The following VIT variants were observed in gnomAD, a reference collection of about 807,000 sequenced individuals.
VIT encodes the protein vitrin.
In VIT, 99 loss-of-function variants were observed where a neutral mutation model predicts 78.0. The ratio of observed to expected loss-of-function variants is 1.27; its 90% CI spans 1.08 to 1.50. The LOEUF (loss-of-function observed/expected upper bound fraction) is 1.50, where lower values mean the gene tolerates loss of function less well. VIT is among the 40% of genes most tolerant of loss of function. VIT has a pLI of 0.00. For synonymous variants in VIT, 374 were observed against 334.3 expected, an observed-to-expected ratio of 1.12 and a Z score of -1.29; for missense variants, 1,126 against 875.3, an observed-to-expected ratio of 1.29 and a Z score of -3.61.
At chr2:36,719,491 T>C (rs1387120967) in intron 2 of VIT, among the ~76,000 whole-genome samples, 5 of 152,100 alleles carry the variant, frequency 3.3e-5, no homozygotes, top group Admixed American at 2.0e-4. Flanking sequence ...AGTTATAGAA[T>C]ACAAAATCAA....
At chr2:36,733,170 G>A (rs1296873995) in intron 3 of VIT, among the ~76,000 whole-genome samples, 1 of 152,170 alleles carries the variant, frequency 6.6e-6, no homozygotes. Flanking sequence ...TAAGCAAAAA[G>A]GGGGATTTGG....
chr2:36,752,368 C>T (rs1457703161), intron 4 of VIT, among the ~76,000 whole-genome samples: 1 of 152,116 alleles, frequency 6.6e-6, no homozygotes, highest in Non-Finnish European at 1.5e-5. Flanking sequence ...CTGGCCCTAG[C>T]AGTGAACTAT....
intron 7 of VIT, among the ~76,000 whole-genome samples, chr2:36,771,881 T>C (rs1332310377): frequency 2.6e-5 from 4 of 152,206 alleles, no homozygotes; most frequent in African/African-American, 9.6e-5. Flanking sequence ...GGGCAGATCA[T>C]TCAGTCAAAG....
At chr2:36,712,029 G>A (rs545707859) in intron 1 of VIT, among the ~76,000 whole-genome samples, 3 of 152,302 alleles carry the variant, frequency 2.0e-5, no homozygotes, top group East Asian at 1.9e-4. Flanking sequence ...TGAGGAATTA[G>A]GGCTCCAGCG....
chr2:36,704,174 C>G (rs1350981328), intron 1 of VIT, among the ~76,000 whole-genome samples: 2 of 151,976 alleles, frequency 1.3e-5, no homozygotes, highest in Non-Finnish European at 2.9e-5. Flanking sequence ...GATCCACCCA[C>G]CTCGGCCTCC....
intron 2 of VIT, among the ~76,000 whole-genome samples, chr2:36,720,937 G>A (rs1369978121): frequency 6.6e-6 from 1 of 152,052 alleles, no homozygotes; most frequent in African/African-American, 2.4e-5. Flanking sequence ...TGGAACCCAG[G>A]AGGCAGAGCT....
intron 15 of VIT, among the ~76,000 whole-genome samples, chr2:36,812,127 G>T (rs1341452035): frequency 6.6e-6 from 1 of 152,200 alleles, no homozygotes; most frequent in East Asian, 1.9e-4. Context: ...CCCAAAGCTG[G>T]CTCCTTCCAA....
At chr2:36,763,744 C>T (rs1166451986) in intron 6 of VIT, among the ~76,000 whole-genome samples, 1 of 152,006 alleles carries the variant, frequency 6.6e-6, no homozygotes, top group Non-Finnish European at 1.5e-5. Flanking sequence ...GATGTGCCAC[C>T]ACCTCTGGCT....
chr2:36,704,070 T>A (rs1665254946), intron 1 of VIT, among the ~76,000 whole-genome samples: 1 of 151,828 alleles, frequency 6.6e-6, no homozygotes, highest in African/African-American at 2.4e-5. Flanking sequence ...GGATTACAGG[T>A]GCACGCCACC....
intron 3 of VIT, among the ~76,000 whole-genome samples, chr2:36,741,254 T>C (rs866358343): frequency 2.6e-5 from 4 of 152,142 alleles, no homozygotes; most frequent in South Asian, 2.1e-4. Context: ...AGACTCATAA[T>C]AGTAAATGCA....
intron 5 of VIT, among the ~76,000 whole-genome samples, chr2:36,757,395 C>T (rs987775836): frequency 6.6e-6 from 1 of 152,204 alleles, no homozygotes; most frequent in South Asian, 2.1e-4. Context: ...CCTAATACTT[C>T]CCTTTTATCC....
chr2:36,782,996 G>A (rs1456754011), intron 10 of VIT, among the ~76,000 whole-genome samples: 2 of 152,114 alleles, frequency 1.3e-5, no homozygotes, highest in African/African-American at 4.8e-5. Context: ...ACATTCTGTG[G>A]CTCAAGATTT....
intron 4 of VIT, among the ~76,000 whole-genome samples, chr2:36,752,116 A>G (rs1023658687): frequency 6.6e-6 from 1 of 152,222 alleles, no homozygotes; most frequent in Non-Finnish European, 1.5e-5. Context: ...TCATGATCAG[A>G]GGTCTTAGTA....
chr2:36,801,373 A>C lies in VIT; in HGVS notation c.1131A>C (p.Lys377Asn), dbSNP rs1275628315. ...GAGATCTGAAGACAGCCATAGAGAA[A>C]ATTACTCAGAGAGGAGGACTTTCTA... ...NSRDLKTAIE[K>N]ITQRGGLSNV... The change falls in exon 13 of 16, where the codon AAA (lysine) becomes AAC (asparagine). Residue 377 changes from lysine to asparagine, a missense_variant. By Grantham distance (94) the Lys-to-Asn change is moderately conservative. Coordinates refer to ENST00000379242, the MANE Select transcript of VIT (RefSeq NM_053276.4). The C allele has an allele frequency of 6.2e-7, 1 of 1,614,018 alleles. No homozygotes were observed. The highest frequency in any genetic ancestry group is 1.7e-5 in the Admixed American group (1 of 60,024).
intron 5 of VIT, 102 bp downstream of exon 5, chr2:36,755,156 T>C: frequency 1.5e-6 from 2 of 1,307,132 alleles, no homozygotes; most frequent in Non-Finnish European, 2.0e-6. Flanking sequence ...CCTCATTTCA[T>C]AAAAATCTGA....
At chr2:36,786,984 A>G in intron 11 of VIT, 145 bp from the exon 12 acceptor site, 1 of 1,017,052 alleles carries the variant, frequency 9.8e-7, no homozygotes, top group Non-Finnish European at 1.4e-6. Context: ...TGGGATGTAA[A>G]TAAATATACC....
At chr2:36,786,627 A>C (rs576726914) in intron 11 of VIT, among the ~76,000 whole-genome samples, 1 of 152,356 alleles carries the variant, frequency 6.6e-6, no homozygotes, top group Non-Finnish European at 1.5e-5. Flanking sequence ...CAGGGAAATG[A>C]AGGAGAAGAT....
At chr2:36,759,073 A>C in intron 6 of VIT, 27 bp downstream of exon 6, 1 of 1,614,182 alleles carries the variant, frequency 6.2e-7, no homozygotes, top group Non-Finnish European at 8.5e-7. Context: ...GATTGAATCT[A>C]AACCTTCTGA....
chr2:36,802,654 C>A (rs1200506112), intron 13 of VIT, among the ~76,000 whole-genome samples: 1 of 152,212 alleles, frequency 6.6e-6, no homozygotes, highest in Non-Finnish European at 1.5e-5. Context: ...TAACTTAATG[C>A]TTACATTAGT....
Sources: gnomAD v4.1 joint callset for allele counts (sites outside exome capture counted in the v4.1 genomes callset) on GRCh38, gnomAD v4.1.1 for gene constraint, MANE v1.5 for transcripts, NCBI Gene and HGNC (gene_info 2026-07-23, HGNC 2026-07-21) for gene names.